Variants in HYCC1 observed in about 807,000 individuals in gnomAD.
The protein encoded by HYCC1 is hyccin PI4KA lipid kinase complex subunit 1, also known as hyccin.
the HYCC1 span, among the ~76,000 whole-genome samples, chr7:22,950,405 C>T: frequency 6.6e-6 from 1 of 151,794 alleles, no homozygotes; most frequent in East Asian, 1.9e-4. Flanking sequence ...GTATCTAGTA[C>T]CTGGAAAAGT....
the HYCC1 span, among the ~76,000 whole-genome samples, chr7:22,996,218 G>A: frequency 3.3e-5 from 5 of 151,334 alleles, no homozygotes; most frequent in African/African-American, 4.9e-5. Flanking sequence ...ACTTGAACCC[G>A]GGAGGCAGAG....
the HYCC1 span, among the ~76,000 whole-genome samples, chr7:22,920,246 C>A: frequency 6.6e-6 from 1 of 152,008 alleles, no homozygotes; most frequent in Non-Finnish European, 1.5e-5. Context: ...ACTTGAGAGG[C>A]TGAGGTGGAA....
At chr7:22,937,574 A>G in the HYCC1 span, 1 of 152,202 alleles carries the variant, frequency 6.6e-6, no homozygotes, top group South Asian at 2.1e-4. Flanking sequence ...CTCCATGAAG[A>G]ATATTAGAGA....
At chr7:22,958,146 T>C in the HYCC1 span, among the ~76,000 whole-genome samples, 1 of 152,016 alleles carries the variant, frequency 6.6e-6, no homozygotes, top group Non-Finnish European at 1.5e-5. Context: ...AAAAACAATG[T>C]GTTCAAGTAG....
chr7:22,969,863 T>C, the HYCC1 span, among the ~76,000 whole-genome samples: 2 of 152,128 alleles, frequency 1.3e-5, no homozygotes, highest in East Asian at 3.8e-4. Context: ...ATCAGTTGGT[T>C]GCCATAGGAA....
chr7:22,977,494 G>A, the HYCC1 span: 125 of 883,168 alleles, frequency 1.4e-4, no homozygotes, highest in African/African-American at 2.0e-3. Flanking sequence ...AATTTAAATA[G>A]TCTAAAACAT....
chr7:22,931,255 G>GAAAAAAAAAAAA, the HYCC1 span, among the ~76,000 whole-genome samples: 4 of 103,810 alleles, frequency 3.9e-5, no homozygotes, highest in Non-Finnish European at 4.0e-5. Flanking sequence ...CAAAAAAAAA[G>GAAAAAAAAAAAA]AAAAAAAAAA....
At chr7:22,941,817 T>A in the HYCC1 span, 2 of 152,156 alleles carry the variant, frequency 1.3e-5, no homozygotes, top group Non-Finnish European at 2.9e-5. Flanking sequence ...TGTAGAAGTA[T>A]AAATTCATGC....
the HYCC1 span, among the ~76,000 whole-genome samples, chr7:23,002,410 C>T: frequency 1.6e-3 from 246 of 151,844 alleles, no homozygotes; most frequent in African/African-American, 5.6e-3. Context: ...TTTAGTCTTC[C>T]CCTTCCATTT....
the HYCC1 span, chr7:22,942,899 A>C: frequency 6.6e-6 from 1 of 152,206 alleles, no homozygotes. Context: ...ATAGTATCAA[A>C]GGAACTATAA....
chr7:23,002,148 A>ATATATATATATACACAAT, the HYCC1 span, among the ~76,000 whole-genome samples: 2 of 25,364 alleles, frequency 7.9e-5, no homozygotes, highest in African/African-American at 4.9e-4. Flanking sequence ...ATATATATAT[A>ATATATATATATACACAAT]TATATATATA....
the HYCC1 span, among the ~76,000 whole-genome samples, chr7:23,012,014 T>C: frequency 6.6e-6 from 1 of 152,212 alleles, no homozygotes; most frequent in Non-Finnish European, 1.5e-5. Flanking sequence ...GTTACTAACA[T>C]CTTGTATGTT....
chr7:22,986,567 G>A, the HYCC1 span, among the ~76,000 whole-genome samples: 6 of 152,312 alleles, frequency 3.9e-5, no homozygotes, highest in East Asian at 3.9e-4. Flanking sequence ...AAAATTTGAC[G>A]CTGGGCGCGA....
the HYCC1 span, among the ~76,000 whole-genome samples, chr7:22,918,322 T>C: frequency 6.6e-6 from 1 of 152,190 alleles, no homozygotes; most frequent in Non-Finnish European, 1.5e-5. Context: ...CTAATCATGC[T>C]GTATGACAAA....
the HYCC1 span, among the ~76,000 whole-genome samples, chr7:22,958,814 C>T: frequency 6.6e-6 from 1 of 152,064 alleles, no homozygotes; most frequent in Non-Finnish European, 1.5e-5. Context: ...ACCTACATTT[C>T]TCTCCCAAAT....
At chr7:22,899,668 A>G in the HYCC1 span, among the ~76,000 whole-genome samples, 3 of 152,208 alleles carry the variant, frequency 2.0e-5, no homozygotes, top group Admixed American at 6.5e-5. Context: ...GTAAATGCCA[A>G]TTCTTTTTTT....
chr7:22,977,054 A>G, the HYCC1 span, among the ~76,000 whole-genome samples: 1 of 48,120 alleles, frequency 2.1e-5, no homozygotes, highest in East Asian at 5.8e-4. Context: ...CCCACCCACC[A>G]CCCCCCTGCC....
the HYCC1 span, among the ~76,000 whole-genome samples, chr7:22,973,762 T>G: frequency 6.6e-6 from 1 of 152,184 alleles, no homozygotes; most frequent in Non-Finnish European, 1.5e-5. Flanking sequence ...GAAGAATTAT[T>G]CAGTTCCCTG....
At chr7:22,937,344 G>C in the HYCC1 span, 1 of 152,106 alleles carries the variant, frequency 6.6e-6, no homozygotes, top group Non-Finnish European at 1.5e-5. Context: ...GTTGAAGTTA[G>C]GCCTTTCCTA....
Sources: allele counts gnomAD v4.1 joint callset (sites outside exome capture counted in the v4.1 genomes callset), GRCh38; gene constraint gnomAD v4.1.1; transcripts MANE v1.5; gene names NCBI Gene and HGNC (gene_info 2026-07-23, HGNC 2026-07-21).